Variants in GNG2 observed in about 807,000 individuals in gnomAD.
GNG2 encodes the protein G protein subunit gamma 2, also known as guanine nucleotide-binding protein G(I)/G(S)/G(O) subunit gamma-2.
GNG2 carries 5 observed loss-of-function variants against 5.5 expected under a neutral mutation model. The ratio of observed to expected loss-of-function variants is 0.91; its 90% CI spans 0.48 to 1.92. The LOEUF (loss-of-function observed/expected upper bound fraction) is 1.92. GNG2 is among the 30% of genes most tolerant of loss of function. The probability of loss-of-function intolerance (pLI) is 0.01; values close to 1 mark genes in which losing one functional copy is unlikely to be tolerated. For missense variants in GNG2, 55 were observed against 88.4 expected (o/e 0.62, Z 1.52); for synonymous variants, 28 against 32.0 (o/e 0.88, Z 0.42).
intron 2 of GNG2, among the ~76,000 whole-genome samples, chr14:51,940,833 G>T (rs1417856884): frequency 2.0e-5 from 3 of 152,134 alleles, no homozygotes; most frequent in Non-Finnish European, 4.4e-5. Flanking sequence ...ATAGAAAAAG[G>T]TGCCTGACAA....
intron 1 of GNG2, among the ~76,000 whole-genome samples, chr14:51,867,524 A>C (rs17124680): frequency 0.37 from 56,036 of 152,056 alleles, 10,997 homozygotes; most frequent in African/African-American, 0.5. Context: ...TAGTTGCAGG[A>C]AGTTGCATGG....
At chr14:51,880,762 G>C (rs1486430736) in intron 2 of GNG2, among the ~76,000 whole-genome samples, 1 of 151,926 alleles carries the variant, frequency 6.6e-6, no homozygotes, top group Admixed American at 6.6e-5. Context: ...CAGGACAGTT[G>C]GTCACTCCAG....
At chr14:51,851,380 T>C (rs1881901522) in intron 2 of GNG2, among the ~76,000 whole-genome samples, 1 of 152,232 alleles carries the variant, frequency 6.6e-6, no homozygotes, top group African/African-American at 2.4e-5. Flanking sequence ...TTTGACCCAA[T>C]GGTACTGGAG....
chr14:51,906,902 C>A (rs1284900586), intron 2 of GNG2, among the ~76,000 whole-genome samples: 1 of 151,864 alleles, frequency 6.6e-6, no homozygotes, highest in Non-Finnish European at 1.5e-5. Flanking sequence ...ACTACAGGTG[C>A]CCGCCACCAC....
chr14:51,878,331 T>C (rs371710069), intron 2 of GNG2, among the ~76,000 whole-genome samples: 42 of 152,084 alleles, frequency 2.8e-4, no homozygotes, highest in African/African-American at 9.2e-4. Context: ...AAATGCCAAG[T>C]GTGTACCAAA....
intron 2 of GNG2, among the ~76,000 whole-genome samples, chr14:51,912,810 C>A (rs529344621): frequency 3.0e-5 from 4 of 132,708 alleles, no homozygotes; most frequent in African/African-American, 1.2e-4. Context: ...TATTATGCTG[C>A]AACGTGTATT....
chr14:51,860,499 A>G (rs1308064891), upstream of GNG2: 1 of 152,414 alleles, frequency 6.6e-6, no homozygotes, highest in African/African-American at 2.4e-5. Context: ...CTGAAATGGA[A>G]ATGAGAGGGA....
intron 2 of GNG2, among the ~76,000 whole-genome samples, chr14:51,925,951 GGAT>G (rs1887287538): frequency 3.9e-5 from 6 of 151,992 alleles, no homozygotes; most frequent in African/African-American, 1.4e-4. Context: ...GGAGAGGTGA[GGAT>G]GAAGTAGGGC....
chr14:51,829,237 A>G (rs1185954418), intron 2 of GNG2, among the ~76,000 whole-genome samples: 2 of 152,088 alleles, frequency 1.3e-5, no homozygotes, highest in East Asian at 1.9e-4. Context: ...TAGACTTGTT[A>G]CCATCCACAG....
At chr14:51,960,122 A>G (rs1889508132) in intron 3 of GNG2, among the ~76,000 whole-genome samples, 2 of 150,952 alleles carry the variant, frequency 1.3e-5, no homozygotes. Flanking sequence ...GACTCCAATT[A>G]TATGTGTATT....
At chr14:51,861,504 T>A (rs1882478426) in intron 1 of GNG2, 1 of 152,202 alleles carries the variant, frequency 6.6e-6, no homozygotes, top group Non-Finnish European at 1.5e-5. Flanking sequence ...TTTATATGCA[T>A]TTTATTCACC....
chr14:51,882,525 C>T (rs1884152301), intron 2 of GNG2, among the ~76,000 whole-genome samples: 2 of 152,188 alleles, frequency 1.3e-5, no homozygotes, highest in African/African-American at 4.8e-5. Flanking sequence ...GGGAACATCT[C>T]TGAGAGTTAA....
At chr14:51,932,895 G>A (rs1594932609) in intron 2 of GNG2, among the ~76,000 whole-genome samples, 1 of 152,020 alleles carries the variant, frequency 6.6e-6, no homozygotes, top group Non-Finnish European at 1.5e-5. Flanking sequence ...TATCCTGGGG[G>A]GTGGGGTGGG....
chr14:51,931,831 G>T (rs1169178207), intron 2 of GNG2, among the ~76,000 whole-genome samples: 1 of 152,150 alleles, frequency 6.6e-6, no homozygotes, highest in Non-Finnish European at 1.5e-5. Context: ...CCTCTTCTGG[G>T]TATGTATCAA....
At chr14:51,930,652 C>A (rs1887603360) in intron 2 of GNG2, among the ~76,000 whole-genome samples, 1 of 152,156 alleles carries the variant, frequency 6.6e-6, no homozygotes, top group East Asian at 1.9e-4. Flanking sequence ...TTGTGTTGTT[C>A]CATTCTTGCA....
intron 2 of GNG2, among the ~76,000 whole-genome samples, chr14:51,924,973 G>C (rs1887221936): frequency 6.6e-6 from 1 of 152,162 alleles, no homozygotes; most frequent in African/African-American, 2.4e-5. Flanking sequence ...ACCCTAAGAA[G>C]TATATTCTTT....
chr14:51,903,329 C>T (rs1009939517), intron 2 of GNG2, among the ~76,000 whole-genome samples: 6 of 152,282 alleles, frequency 3.9e-5, no homozygotes, highest in African/African-American at 1.4e-4. Context: ...GATTGGTTGA[C>T]CAAAATGTTT....
At chr14:51,858,603 G>A (rs908851718), upstream of GNG2, among the ~76,000 whole-genome samples, 1 of 152,216 alleles carries the variant, frequency 6.6e-6, no homozygotes, top group African/African-American at 2.4e-5. Context: ...GTTTATGCCA[G>A]AACCTACTTG....
chr14:51,845,828 G>A (rs532384409), intron 2 of GNG2, among the ~76,000 whole-genome samples: 5 of 152,272 alleles, frequency 3.3e-5, no homozygotes, highest in African/African-American at 4.8e-5. Context: ...AGTTTGGGAC[G>A]TGCTGGCCTG....
Sources: gnomAD v4.1 joint callset for allele counts (sites outside exome capture counted in the v4.1 genomes callset) on GRCh38, gnomAD v4.1.1 for gene constraint, MANE v1.5 for transcripts, NCBI Gene and HGNC (gene_info 2026-07-23, HGNC 2026-07-21) for gene names.